Variants in NEDD4 observed in about 807,000 individuals in gnomAD.
The protein encoded by NEDD4 is NEDD4 E3 ubiquitin protein ligase.
A neutral mutation model predicts 144.9 loss-of-function variants in NEDD4; 99 were observed. The ratio of observed to expected loss-of-function variants is 0.68; its 90% CI spans 0.58 to 0.81. The LOEUF is 0.81. Among genes scored for constraint, NEDD4 ranks in the 30% least tolerant of loss-of-function variants. NEDD4 has a pLI of 0.00. For missense variants in NEDD4, 985 were observed against 1,065.9 expected (o/e 0.92, Z 1.06); for synonymous variants, 318 against 350.6 (o/e 0.91, Z 1.04).
At chr15:55,872,192 G>C (rs2034825597) in intron 7 of NEDD4, among the ~76,000 whole-genome samples, 1 of 151,864 alleles carries the variant, frequency 6.6e-6, no homozygotes, top group Admixed American at 6.6e-5. Flanking sequence ...TTCCCAAAAG[G>C]CTGTGATCAC....
intron 5 of NEDD4, among the ~76,000 whole-genome samples, chr15:55,882,706 G>T (rs1282396391): frequency 6.6e-6 from 1 of 152,144 alleles, no homozygotes; most frequent in African/African-American, 2.4e-5. Context: ...GTGGTCAAGG[G>T]AGTGCGTGTG....
intron 5 of NEDD4, among the ~76,000 whole-genome samples, chr15:55,884,550 T>TA (rs1342960406): frequency 6.6e-6 from 1 of 151,786 alleles, no homozygotes; most frequent in Non-Finnish European, 1.5e-5. Flanking sequence ...AAATTCAAGA[T>TA]ACACAGAAAA....
intron 1 of NEDD4, among the ~76,000 whole-genome samples, chr15:55,981,515 C>G (rs2037803823): frequency 6.6e-6 from 1 of 152,164 alleles, no homozygotes; most frequent in Admixed American, 6.5e-5. Flanking sequence ...AGTGGAAGAT[C>G]ACCCATAACT....
intron 1 of NEDD4, among the ~76,000 whole-genome samples, chr15:55,993,108 A>C (rs1471800932): frequency 6.6e-6 from 1 of 152,256 alleles, no homozygotes; most frequent in African/African-American, 2.4e-5. Flanking sequence ...CAGAGCAAGC[A>C]AATCAACAGC....
At chr15:55,889,993 A>T (rs547120380) in intron 5 of NEDD4, among the ~76,000 whole-genome samples, 1 of 152,192 alleles carries the variant, frequency 6.6e-6, no homozygotes, top group African/African-American at 2.4e-5. Context: ...ATGAACCACC[A>T]CACCAAGACT....
chr15:55,886,739 C>A (rs1298717293), intron 5 of NEDD4, among the ~76,000 whole-genome samples: 3 of 139,726 alleles, frequency 2.1e-5, no homozygotes, highest in Non-Finnish European at 3.0e-5. Flanking sequence ...GCCTGGACAA[C>A]AGAGCAAGAC....
At position 55,827,773 on chromosome 15, in the gene NEDD4, C is replaced by T. The variant is rs2032760979; in HGVS notation, c.*2124G>A. On this transcript the variant is annotated 3_prime_UTR_variant, in exon 29 of 29. Coordinates refer to ENST00000435532, the MANE Select transcript of NEDD4 (RefSeq NM_006154.4). Reference sequence around the variant, plus strand: ...CAGAAATGTTCCTACTTCCTTGTCTCTTAGAAGTCACTTTACTTTTAAATG... The same window carrying T: ...CAGAAATGTTCCTACTTCCTTGTCTTTTAGAAGTCACTTTACTTTTAAATG... 2 of 144,974 alleles carry T rather than the reference C, an allele frequency of 1.4e-5. No homozygotes were observed. Among genetic ancestry groups the T allele is most frequent in the South Asian group, 2.2e-4 (1 of 4,534 alleles). The allele number at this position is 144,974 out of a possible 1,614,324, so 9.0% of individuals were successfully genotyped here.
intron 19 of NEDD4, among the ~76,000 whole-genome samples, chr15:55,841,083 G>A (rs1275927946): frequency 2.6e-5 from 4 of 152,076 alleles, no homozygotes; most frequent in Admixed American, 6.5e-5. Context: ...ACAGGCGCCC[G>A]CCACCATGCC....
intron 2 of NEDD4, among the ~76,000 whole-genome samples, chr15:55,961,289 T>G (rs2037422797): frequency 6.6e-6 from 1 of 151,914 alleles, no homozygotes; most frequent in Non-Finnish European, 1.5e-5. Flanking sequence ...CACTCTCATG[T>G]GAGAGACTTC....
At position 55,869,656 on chromosome 15, in the gene NEDD4, G is replaced by A; in HGVS notation, c.430C>T (p.Leu144=). 1 of 1,565,350 alleles carries A rather than the reference G, an allele frequency of 6.4e-7. No individual in the cohort carries two copies. ...GGTAAATAAGTCATTTTTAGTCTCAGATAACCTTTAACTCTTGATTTGTGA... is the reference window on the plus strand; with the variant it reads ...GGTAAATAAGTCATTTTTAGTCTCAAATAACCTTTAACTCTTGATTTGTGA... ...RSHKSRVKGY[L]RLKMTYLPKT... Residue 144 remains leucine, a synonymous_variant, in exon 8 of 29, where the codon CTG becomes TTG. Coordinates refer to ENST00000435532, the MANE Select transcript of NEDD4 (RefSeq NM_006154.4).
chr15:55,941,472 C>A (rs1364500201), intron 4 of NEDD4, among the ~76,000 whole-genome samples: 1 of 151,988 alleles, frequency 6.6e-6, no homozygotes, highest in African/African-American at 2.4e-5. Flanking sequence ...TCAAAAGAAA[C>A]TTGTTTAATT....
intron 5 of NEDD4, among the ~76,000 whole-genome samples, chr15:55,882,061 G>T (rs2035213479): frequency 6.6e-6 from 1 of 152,168 alleles, no homozygotes; most frequent in South Asian, 2.1e-4. Context: ...CAAACGTGCA[G>T]AAGTCTCTTC....
chr15:55,926,942 G>A (rs569842802), intron 4 of NEDD4, among the ~76,000 whole-genome samples: 7 of 151,918 alleles, frequency 4.6e-5, no homozygotes, highest in South Asian at 4.2e-4. Flanking sequence ...TGGGTGTGGC[G>A]GCAGGCACCT....
intron 2 of NEDD4, among the ~76,000 whole-genome samples, chr15:55,959,906 A>G (rs1294185970): frequency 6.6e-6 from 1 of 152,228 alleles, no homozygotes; most frequent in Non-Finnish European, 1.5e-5. Flanking sequence ...GTGAATTCCT[A>G]TAATTTTATG....
At position 55,924,665 on chromosome 15, in the gene NEDD4, ACTT is replaced by A. The variant is rs756027334; in HGVS notation, c.269_271del (p.Glu90del). 6.2e-7 allele frequency: 1 copy of A among 1,610,266 alleles called. No individual in the cohort carries two copies. Among genetic ancestry groups the A allele is most frequent in the South Asian group, 1.1e-5 (1 of 90,058 alleles). On this transcript the variant is annotated inframe_deletion, in exon 5 of 29. Coordinates refer to ENST00000435532, the MANE Select transcript of NEDD4 (RefSeq NM_006154.4). ...ACTTACCAATCGGTTTTCGTCAAAC[ACTT>A]CAAAAAGAAGCCGGTGCTGCTGAGG...
rs1491408868 is a variant in NEDD4, at chr15:55,847,675, CCT to C, written c.1543-643_1543-642del. Reference sequence around the variant, plus strand: ...TTTACAATGATTTCTTTTTCTTTTTCCTTTTTTTTTTTTTTTTTTGAGATGGA... The same window carrying C: ...TTTACAATGATTTCTTTTTCTTTTTCTTTTTTTTTTTTTTTTTGAGATGGA... On this transcript the variant is annotated intron_variant, in intron 17 of 28. Transcript: ENST00000435532. Among the ~76,000 whole-genome samples, 5 of 120,256 alleles carry C rather than the reference CCT, an allele frequency of 4.2e-5. No homozygotes were observed. The East Asian group carries it at 1.2e-3, about 29-fold the overall frequency. 78.9% of individuals were successfully genotyped at this position (120,256 alleles called of 152,430 possible).
intron 4 of NEDD4, among the ~76,000 whole-genome samples, chr15:55,930,626 G>T (rs1364048288): frequency 6.6e-6 from 1 of 152,212 alleles, no homozygotes; most frequent in East Asian, 1.9e-4. Context: ...GTTTGACTGT[G>T]TCCCTACCCA....
intron 5 of NEDD4, among the ~76,000 whole-genome samples, chr15:55,907,957 GATC>G (rs2036153807): frequency 6.6e-6 from 1 of 152,110 alleles, no homozygotes; most frequent in African/African-American, 2.4e-5. Context: ...CTTGAGTCAC[GATC>G]ATAATATTCC....
chr15:55,888,267 G>C (rs1387165931), intron 5 of NEDD4, among the ~76,000 whole-genome samples: 2 of 152,102 alleles, frequency 1.3e-5, no homozygotes, highest in East Asian at 3.8e-4. Context: ...CATTAGAACT[G>C]ATACATTCAG....
Sources: allele counts gnomAD v4.1 joint callset (sites outside exome capture counted in the v4.1 genomes callset), GRCh38; gene constraint gnomAD v4.1.1; transcripts MANE v1.5; gene names NCBI Gene and HGNC (gene_info 2026-07-23, HGNC 2026-07-21).